Variants in GRIN2B observed in about 807,000 individuals in gnomAD.
GRIN2B encodes the protein glutamate ionotropic receptor NMDA type subunit 2B.
A neutral mutation model predicts 114.5 loss-of-function variants in GRIN2B; 5 were observed. That is an observed-to-expected ratio of 0.04 (90% CI 0.02 to 0.09). The LOEUF is 0.09. GRIN2B is among the 10% of genes least tolerant of loss of function. GRIN2B has a pLI of 1.00. For synonymous variants in GRIN2B, 787 were observed against 745.1 expected, an observed-to-expected ratio of 1.06 and a Z score of -0.92; for missense variants, 1,108 against 1,943.5, an observed-to-expected ratio of 0.57 and a Z score of 8.08.
chr12:13,740,686 C>T (rs1370527874), intron 4 of GRIN2B, among the ~76,000 whole-genome samples: 1 of 152,176 alleles, frequency 6.6e-6, no homozygotes, highest in Non-Finnish European at 1.5e-5. Flanking sequence ...TCTCCCTGAA[C>T]CTTGGCAGGT....
In GRIN2B at chr12:13,980,324, G is replaced by A. The variant is rs1863108658; in HGVS notation, c.-415C>T. 6.6e-6 allele frequency: 1 copy of A among 152,138 alleles called. No homozygotes were observed. Among genetic ancestry groups the A allele is most frequent in the African/African-American group, 2.4e-5 (1 of 41,414 alleles). The allele number at this position is 152,138 out of a possible 1,614,324, so 9.4% of individuals were successfully genotyped here. ...AGCTGGGGGCCGGCTCCGTCCCTCG[G>A]TGGAGCATGGTCATTCCCAAAGCGT... On this transcript the variant is annotated 5_prime_UTR_variant, in exon 2 of 14. Transcript: ENST00000609686.
chr12:13,789,787 ACT>A (rs1864286909), intron 3 of GRIN2B, among the ~76,000 whole-genome samples: 1 of 152,128 alleles, frequency 6.6e-6, no homozygotes, highest in African/African-American at 2.4e-5. Context: ...CCCCATAACC[ACT>A]GATATCAATT....
intron 4 of GRIN2B, among the ~76,000 whole-genome samples, chr12:13,708,940 G>A (rs1950389351): frequency 6.6e-6 from 1 of 152,004 alleles, no homozygotes; most frequent in African/African-American, 2.4e-5. Flanking sequence ...AATTCTAATG[G>A]TGGTAATAGA....
intron 2 of GRIN2B, among the ~76,000 whole-genome samples, chr12:13,970,222 G>T (rs912533174): frequency 6.6e-6 from 1 of 152,150 alleles, no homozygotes; most frequent in South Asian, 2.1e-4. Flanking sequence ...TGAAAGGAAG[G>T]GCAATAGCAT....
At chr12:13,637,741 C>A (rs1382390380) in intron 5 of GRIN2B, among the ~76,000 whole-genome samples, 1 of 152,106 alleles carries the variant, frequency 6.6e-6, no homozygotes, top group Admixed American at 6.6e-5. Flanking sequence ...GGACACTATA[C>A]CCTTAGAATA....
chr12:13,789,422 A>T (rs1490688623), intron 3 of GRIN2B, among the ~76,000 whole-genome samples: 4 of 152,194 alleles, frequency 2.6e-5, no homozygotes, highest in Non-Finnish European at 4.4e-5. Context: ...TTTCTAGTTT[A>T]GGATGCCCCA....
chr12:13,914,717 T>C lies in GRIN2B; in HGVS notation c.-18-48491A>G, dbSNP rs1184244616. On this transcript the variant is annotated intron_variant, in intron 2 of 13. Transcript: ENST00000609686. ...CAGATAAAGGAAATGTGGTATAATG[T>C]ATACAATGGAATACTATTCAATCAT... Among the ~76,000 whole-genome samples, 3 of 152,202 alleles carry C rather than the reference T, an allele frequency of 2.0e-5. No homozygotes were observed. In the East Asian group the frequency reaches 5.8e-4, roughly 29 times the overall value.
chr12:13,582,484 A>G (rs1190357088), intron 10 of GRIN2B, among the ~76,000 whole-genome samples: 1 of 152,158 alleles, frequency 6.6e-6, no homozygotes, highest in Non-Finnish European at 1.5e-5. Context: ...CAACACCTTA[A>G]TTGTTTCTGC....
At chr12:13,735,871 A>G (rs1463829738) in intron 4 of GRIN2B, among the ~76,000 whole-genome samples, 5 of 149,388 alleles carry the variant, frequency 3.3e-5, no homozygotes, top group African/African-American at 1.2e-4. Context: ...ATCCTTTCCC[A>G]GGGTTCGGAA....
At chr12:13,828,940 T>C (rs1865100960) in intron 3 of GRIN2B, among the ~76,000 whole-genome samples, 1 of 152,216 alleles carries the variant, frequency 6.6e-6, no homozygotes, top group African/African-American at 2.4e-5. Context: ...TGCCTGTCTT[T>C]TTTTCTGACC....
chr12:13,813,764 T>C (rs1210260060), intron 3 of GRIN2B, among the ~76,000 whole-genome samples: 3 of 152,222 alleles, frequency 2.0e-5, no homozygotes, highest in African/African-American at 7.2e-5. Flanking sequence ...TTTGAATTCA[T>C]TCCTTTTTTG....
chr12:13,694,045 G>A (rs1033357664), intron 4 of GRIN2B, among the ~76,000 whole-genome samples: 16 of 152,068 alleles, frequency 1.1e-4, no homozygotes, highest in African/African-American at 3.9e-4. Context: ...AGTCAGCAAG[G>A]GAGAGTAATT....
At chr12:13,664,324 G>T (rs1209895511) in intron 5 of GRIN2B, among the ~76,000 whole-genome samples, 1 of 152,068 alleles carries the variant, frequency 6.6e-6, no homozygotes, top group Non-Finnish European at 1.5e-5. Flanking sequence ...CTGGGGTGGG[G>T]GAGAAGAACA....
At chr12:13,858,365 A>G (rs1358403528) in intron 3 of GRIN2B, among the ~76,000 whole-genome samples, 1 of 152,182 alleles carries the variant, frequency 6.6e-6, no homozygotes, top group East Asian at 1.9e-4. Context: ...AAGGTAGAAT[A>G]AAAATAACCA....
At chr12:13,657,340 A>T (rs1949875850) in intron 5 of GRIN2B, among the ~76,000 whole-genome samples, 1 of 152,198 alleles carries the variant, frequency 6.6e-6, no homozygotes, top group South Asian at 2.1e-4. Context: ...GCTCCCCTTC[A>T]TGAAGAAGGG....
chr12:13,896,127 T>G (rs928307906), intron 2 of GRIN2B, among the ~76,000 whole-genome samples: 2 of 152,074 alleles, frequency 1.3e-5, no homozygotes. Context: ...GATCGCAGTG[T>G]GATTTCAGAG....
chr12:13,785,391 A>G (rs1171521912), intron 3 of GRIN2B, among the ~76,000 whole-genome samples: 1 of 152,144 alleles, frequency 6.6e-6, no homozygotes, highest in Non-Finnish European at 1.5e-5. Flanking sequence ...AACTACTCAG[A>G]TGGCCAATTC....
intron 2 of GRIN2B, among the ~76,000 whole-genome samples, chr12:13,874,834 A>T (rs1865970435): frequency 6.6e-6 from 1 of 152,196 alleles, no homozygotes; most frequent in Non-Finnish European, 1.5e-5. Flanking sequence ...TCAAAGGAAG[A>T]TACTGGAAGG....
intron 3 of GRIN2B, among the ~76,000 whole-genome samples, chr12:13,817,553 GC>G (rs1171292750): frequency 6.6e-6 from 1 of 152,140 alleles, no homozygotes; most frequent in East Asian, 1.9e-4. Context: ...ATGCAAAAAT[GC>G]AAAAAAGCAT....
Sources: allele counts gnomAD v4.1 joint callset (sites outside exome capture counted in the v4.1 genomes callset), GRCh38; gene constraint gnomAD v4.1.1; transcripts MANE v1.5; gene names NCBI Gene and HGNC (gene_info 2026-07-23, HGNC 2026-07-21).